RIPOR1: variants seen among roughly 807,000 people sequenced by gnomAD.
RIPOR1 encodes the protein rho family-interacting cell polarization regulator 1.
Under a neutral mutation model 116.5 loss-of-function variants are expected in RIPOR1, and 58 were observed. The observed-to-expected ratio is 0.50, with a 90% CI of 0.40 to 0.62. The LOEUF is 0.62. RIPOR1 is among the 20% of genes least tolerant of loss of function. The pLI is 0.00. For synonymous variants in RIPOR1, 605 were observed against 650.0 expected (o/e 0.93, Z 1.05); for missense variants, 1,372 against 1,586.2 (o/e 0.86, Z 2.29).
rs1447551490 is a variant in RIPOR1 at position 67,540,256 on chromosome 16, T to C, written c.568-44T>C. 1 of 1,613,522 alleles carries C rather than the reference T, an allele frequency of 6.2e-7. No homozygotes were observed. The highest frequency in any genetic ancestry group is 1.7e-5 in the Admixed American group (1 of 60,018). ...GAGGCACAGGGTGTGGCAGGGCTAG[T>C]GGCTGGCCCTTGACCCCCTCCTGTC... On this transcript the variant is annotated intron_variant, in intron 7 of 21. Transcript: ENST00000042381. The surrounding 1 kb of genome is among the most constrained non-coding windows in gnomAD (Gnocchi z 4.7).
chr16:67,544,186 G>A lies in RIPOR1; in HGVS notation c.2601-113G>A. The A allele has an allele frequency of 7.3e-7, 1 of 1,376,006 alleles. No individual in the cohort carries two copies. The highest frequency in any genetic ancestry group is 2.3e-5 in the East Asian group (1 of 42,804). 85.2% of individuals were successfully genotyped at this position (1,376,006 alleles called of 1,614,324 possible). On this transcript the variant is annotated intron_variant, in intron 14 of 21. Transcript: ENST00000042381. The surrounding 1 kb of genome is among the most constrained non-coding windows in gnomAD (Gnocchi z 5.1). ...CCATGAACTTACCCCACTGTCTGCT[G>A]TCGGTGCATCATCTTCTTCCTTTCT...
At position 67,540,563 on chromosome 16, in the gene RIPOR1, C is replaced by T. The variant is rs1381112412; in HGVS notation, c.676-16C>T. 2 of 1,614,054 alleles carry T rather than the reference C, an allele frequency of 1.2e-6. No individual in the cohort carries two copies. Among genetic ancestry groups the T allele is most frequent in the Non-Finnish European group, 1.7e-6 (2 of 1,179,946 alleles). ...GTCCCAACACCTAGGCTGCCTCATC[C>T]TACCTGTTCCCCCAGATCTGCATGA... is the stretch of plus-strand genomic sequence containing the variant. On this transcript the variant is annotated splice_polypyrimidine_tract_variant and intron_variant, in intron 9 of 21. Coordinates refer to ENST00000042381, the MANE Select transcript of RIPOR1 (RefSeq NM_024519.4). This position sits in a 1 kb window ranked among gnomAD's most constrained non-coding sequence, Gnocchi z 4.7.
At chr16:67,523,498 C>T (rs944894537) in intron 1 of RIPOR1, among the ~76,000 whole-genome samples, 1 of 133,604 alleles carries the variant, frequency 7.5e-6, no homozygotes, top group African/African-American at 2.9e-5. Flanking sequence ...TGCACTCCAG[C>T]CTAGTGACAG....
Position 67,540,525 on chromosome 16 carries a change from C to T in RIPOR1, c.675+24C>T. 6.2e-7 allele frequency: 1 copy of T among 1,614,120 alleles called. No homozygotes were observed. The highest frequency in any genetic ancestry group is 1.1e-5 in the South Asian group (1 of 91,088). ...AGGTATGAGAATGTGCAGGGAAGGGCTGGGTCGGTAGGGTCCCAACACCTA... is the reference window on the plus strand; with the variant it reads ...AGGTATGAGAATGTGCAGGGAAGGGTTGGGTCGGTAGGGTCCCAACACCTA... On this transcript the variant is annotated intron_variant, in intron 9 of 21. Transcript: ENST00000042381. The surrounding 1 kb of genome is among the most constrained non-coding windows in gnomAD (Gnocchi z 4.7).
rs765737270 is a variant in RIPOR1, at chr16:67,538,460, C to G, written c.14C>G (p.Ser5Trp). 13 of 1,607,956 alleles carry G rather than the reference C, an allele frequency of 8.1e-6. No homozygotes were observed. The highest frequency in any genetic ancestry group is 1.1e-5 in the Non-Finnish European group (13 of 1,177,690). MMSLSVRPQRRLLSA... is the reference protein window; with the variant it reads MMSLWVRPQRRLLSA... Reference sequence around the variant, plus strand: ...CGGACTCACTCTATGATGTCCCTGTCGGTGCGGCCGCAGCGCCGTCTGCTC... The same window carrying G: ...CGGACTCACTCTATGATGTCCCTGTGGGTGCGGCCGCAGCGCCGTCTGCTC... The change falls in exon 2 of 22, where the codon TCG becomes TGG. Residue 5 changes from serine (S) to tryptophan (W), a missense_variant. By Grantham distance (177) the Ser-to-Trp change is radical. Transcript: ENST00000042381.
At position 67,546,375 on chromosome 16, in the gene RIPOR1, G is replaced by A. The variant is rs2051168918; in HGVS notation, c.3572G>A (p.Gly1191Glu). 2 of 1,614,000 alleles carry A rather than the reference G, an allele frequency of 1.2e-6. No individual in the cohort carries two copies. The highest frequency in any genetic ancestry group is 2.7e-5 in the African/African-American group (2 of 75,038). Reference sequence around the variant, plus strand: ...TCCTCACTCATTACAGGAGAAGAGGGACAGTCTGCCCATCGACGGCTGGAG... The same window carrying A: ...TCCTCACTCATTACAGGAGAAGAGGAACAGTCTGCCCATCGACGGCTGGAG... ...RQSLQQCGEEGQSAHRRLEES... is the reference protein window; with the variant it reads ...RQSLQQCGEEEQSAHRRLEES... The change falls in exon 22 of 22, where the codon GGA becomes GAA. Residue 1191 changes from glycine to glutamate, a missense_variant. Gly to Glu is a moderately conservative substitution (Grantham distance 98). Coordinates refer to ENST00000042381, the MANE Select transcript of RIPOR1 (RefSeq NM_024519.4).
upstream of RIPOR1, among the ~76,000 whole-genome samples, chr16:67,525,707 TTAGAAGTG>T (rs2050534529): frequency 3.9e-5 from 6 of 152,022 alleles, no homozygotes; most frequent in South Asian, 1.2e-3. Flanking sequence ...CTCCCAGTGG[TTAGAAGTG>T]CTCATAATTC....
chr16:67,527,647 C>T (rs34969810), upstream of RIPOR1, among the ~76,000 whole-genome samples: 3,954 of 152,020 alleles, frequency 0.026, 47 homozygotes, highest in South Asian at 0.045. Context: ...GAGGCCAAGG[C>T]GGGCAGATCA....
Position 67,522,665 on chromosome 16 carries a change from C to G in RIPOR1, c.-24+4052C>G, listed in dbSNP as rs879476870. Among the ~76,000 whole-genome samples the G allele has an allele frequency of 6.6e-5, 10 of 152,048 alleles. 1 individual carries two copies. Among genetic ancestry groups the G allele is most frequent in the Admixed American group, 5.9e-4 (9 of 15,262 alleles). ...CATGCTTATTATATTGAGTGCCTTT[C>G]CATGTTCAGATATAAAACCCTCACT... On this transcript the variant is annotated intron_variant, in intron 1 of 1. Transcript: ENST00000562116.
intron 1 of RIPOR1, among the ~76,000 whole-genome samples, chr16:67,520,778 C>T (rs1226711301): frequency 2.0e-5 from 3 of 149,626 alleles, no homozygotes; most frequent in Admixed American, 6.7e-5. Flanking sequence ...ACAGCCTAGG[C>T]GACAGAGTGA....
At position 67,544,246 on chromosome 16, in the gene RIPOR1, T is replaced by C. The variant is rs2051091142; in HGVS notation, c.2601-53T>C. 6 of 1,551,390 alleles carry C rather than the reference T, an allele frequency of 3.9e-6. No homozygotes were observed. Among genetic ancestry groups the C allele is most frequent in the Non-Finnish European group, 4.4e-6 (5 of 1,142,650 alleles). On this transcript the variant is annotated intron_variant, in intron 14 of 21. Transcript: ENST00000042381. This position sits in a 1 kb window ranked among gnomAD's most constrained non-coding sequence, Gnocchi z 5.1. ...GAAGCTTAATAAAAATAAACGCTGG[T>C]GACCAGGTGGTGATGTGTGCCTGTG...
At chr16:67,520,878 C>A (rs953781838) in intron 1 of RIPOR1, among the ~76,000 whole-genome samples, 2 of 152,008 alleles carry the variant, frequency 1.3e-5, no homozygotes, top group Non-Finnish European at 2.9e-5. Context: ...AGGGAGATAG[C>A]CAGAGAAGCA....
In RIPOR1 at chr16:67,541,832, G is replaced by C. The variant is rs1283181047; in HGVS notation, c.1081-35G>C. 6.2e-7 allele frequency: 1 copy of C among 1,613,178 alleles called. No individual in the cohort carries two copies. On this transcript the variant is annotated intron_variant, in intron 12 of 21. Transcript: ENST00000042381. This position sits in a 1 kb window ranked among gnomAD's most constrained non-coding sequence, Gnocchi z 4.6. ...CTCACCATCCCCCAGAGGCTCCCTG[G>C]GGGTGGTTCTGAAATGCCCTCTCCT... is the stretch of plus-strand genomic sequence containing the variant.
Position 67,538,823 on chromosome 16 carries a change from A to AC in RIPOR1, c.257dup (p.Ala87GlyfsTer31), listed in dbSNP as rs1331980381. On this transcript the variant is annotated frameshift_variant and splice_region_variant, in exon 3 of 22. Coordinates refer to ENST00000042381, the MANE Select transcript of RIPOR1 (RefSeq NM_024519.4). LOFTEE classifies it high-confidence loss of function. ...GTACACGGCGCTGAAGCGGGGCCTG[A>AC]CGTGAGCAGCTCCTCTGTTCCCAGC... 1 of 1,612,718 alleles carries AC rather than the reference A, an allele frequency of 6.2e-7. No individual in the cohort carries two copies. Among genetic ancestry groups the AC allele is most frequent in the South Asian group, 1.1e-5 (1 of 91,044 alleles).
rs1038304745 is a variant in RIPOR1, at chr16:67,545,227, A to G, written c.3031+110A>G. ...AAACGAACTGGGCACCGAGGAGACC[A>G]GCAAAGACTTGGGCCTTAGAGCAGA... On this transcript the variant is annotated intron_variant, in intron 17 of 21. Coordinates refer to ENST00000042381, the MANE Select transcript of RIPOR1 (RefSeq NM_024519.4). This position sits in a 1 kb window ranked among gnomAD's most constrained non-coding sequence, Gnocchi z 4.8. The G allele has an allele frequency of 1.4e-5, 21 of 1,535,668 alleles. No individual in the cohort carries two copies. In the African/African-American group the frequency reaches 2.9e-4, roughly 21 times the overall value.
Position 67,541,401 on chromosome 16 carries a change from G to A in RIPOR1, c.802-29G>A, listed in dbSNP as rs141618196. 2.3e-3 allele frequency: 3,674 copies of A among 1,606,706 alleles called. 123 individuals are homozygous for A. The Admixed American group carries it at 0.054, about 24-fold the overall frequency. On this transcript the variant is annotated intron_variant, in intron 10 of 21. Coordinates refer to ENST00000042381, the MANE Select transcript of RIPOR1 (RefSeq NM_024519.4). This position sits in a 1 kb window ranked among gnomAD's most constrained non-coding sequence, Gnocchi z 4.6. The stretch of plus-strand genomic sequence containing the variant: ...ATGATCTCATAGCCCCTGCACCCTT[G>A]TGACCCTACCATGCACTCTTGGCTA...
upstream of RIPOR1, among the ~76,000 whole-genome samples, chr16:67,525,420 G>A (rs116300580): frequency 4.0e-4 from 61 of 152,282 alleles, no homozygotes; most frequent in African/African-American, 1.4e-3. Flanking sequence ...TGTGGCCCCA[G>A]GCACAGTCCA....
chr16:67,527,449 G>A (rs1378113835), upstream of RIPOR1, among the ~76,000 whole-genome samples: 4 of 151,496 alleles, frequency 2.6e-5, no homozygotes, highest in South Asian at 4.2e-4. Context: ...AGGAGGGGCT[G>A]GAGAGTGGAG....
intron 1 of RIPOR1, chr16:67,538,035 G>C (rs1460801279): frequency 4.7e-6 from 1 of 211,622 alleles, no homozygotes; most frequent in African/African-American, 2.3e-5. Flanking sequence ...CCCTGGGGGG[G>C]GAAATCGGGG....
Sources: gnomAD v4.1 joint callset for allele counts (sites outside exome capture counted in the v4.1 genomes callset) on GRCh38, gnomAD v4.1.1 for gene constraint, Gnocchi (gnomAD v3.1) non-coding constraint, MANE v1.5 for transcripts, NCBI Gene and HGNC (gene_info 2026-07-23, HGNC 2026-07-21) for gene names.